Variants in ZFYVE26 observed in about 807,000 individuals in gnomAD.
ZFYVE26 encodes zinc finger FYVE-type containing 26, also known as zinc finger FYVE domain-containing protein 26.
ZFYVE26 carries 181 observed loss-of-function variants against 276.5 expected under a neutral mutation model. The ratio of observed to expected loss-of-function variants is 0.65; its 90% CI spans 0.58 to 0.74. The LOEUF (loss-of-function observed/expected upper bound fraction) is 0.74, where lower values mean the gene tolerates loss of function less well. Among genes scored for constraint, ZFYVE26 ranks in the 30% least tolerant of loss-of-function variants. The pLI, the probability that ZFYVE26 is intolerant of heterozygous loss-of-function variation, is 0.00. For missense variants in ZFYVE26, 2,821 were observed against 3,097.9 expected, an observed-to-expected ratio of 0.91 and a Z score of 2.12; for synonymous variants, 1,129 against 1,203.1, an observed-to-expected ratio of 0.94 and a Z score of 1.27.
chr14:67,775,952 A>C lies in ZFYVE26; in HGVS notation c.5129T>G (p.Ile1710Ser). The stretch of plus-strand genomic sequence containing the variant: ...GTCCACCTCGTCCATAGTGAAGCCA[A>C]TCTCCTGTCCAACCAGCAGCTGCTG... ...TLQQLLVGQE[I>S]GFTMDEVDSL... Residue 1710 changes from isoleucine to serine, a missense_variant, in exon 26 of 42, where the codon ATT (isoleucine) becomes AGT (serine). Coordinates refer to ENST00000347230, the MANE Select transcript of ZFYVE26 (RefSeq NM_015346.4). The C allele has an allele frequency of 6.2e-7, 1 of 1,614,204 alleles. No individual in the cohort carries two copies. Among genetic ancestry groups the C allele is most frequent in the Admixed American group, 1.7e-5 (1 of 60,020 alleles).
chr14:67,781,234 T>C (rs1376136360), intron 22 of ZFYVE26, 99 bp downstream of exon 22: 5 of 1,426,902 alleles, frequency 3.5e-6, no homozygotes, highest in African/African-American at 2.8e-5. Context: ...CCCAGACCTA[T>C]ATTTTCTCTT....
chr14:67,780,847 T>C (rs2039479080), intron 22 of ZFYVE26, among the ~76,000 whole-genome samples: 1 of 152,246 alleles, frequency 6.6e-6, no homozygotes, highest in Non-Finnish European at 1.5e-5. Context: ...GCATCTATTT[T>C]ATAGTTGTTA....
chr14:67,799,182 C>T, intron 10 of ZFYVE26: 2 of 1,592,218 alleles, frequency 1.3e-6, no homozygotes, highest in South Asian at 1.1e-5. Context: ...TTTGAAAAGA[C>T]ATACAAAGGT....
intron 14 of ZFYVE26, among the ~76,000 whole-genome samples, chr14:67,793,167 G>T (rs983764257): frequency 5.3e-5 from 8 of 152,114 alleles, no homozygotes; most frequent in Non-Finnish European, 8.8e-5. Flanking sequence ...TTAGGCAGGA[G>T]AATCGTTTGA....
rs760544248 is a variant in ZFYVE26 at position 67,798,211 on chromosome 14, G to A, written c.2051C>T (p.Ala684Val). ...GAGAAGCCTGAGGAAGGCCCCTATT[G>A]CAAATTCATCAGCCAGAAATCCACT... ...GISGFLADEF[A>V]IGAFLRLLQE... The change falls in exon 11 of 42, where the codon GCA (alanine) becomes GTA (valine). Residue 684 changes from alanine (A) to valine (V), a missense_variant. Physicochemically the swap from Ala to Val is moderately conservative, Grantham distance 64. Coordinates refer to ENST00000347230, the MANE Select transcript of ZFYVE26 (RefSeq NM_015346.4). The A allele has an allele frequency of 6.2e-7, 1 of 1,614,138 alleles. No individual in the cohort carries two copies. The highest frequency in any genetic ancestry group is 1.7e-5 in the Admixed American group (1 of 60,020).
chr14:67,777,772 C>A (rs1178473226), intron 24 of ZFYVE26, 37 bp from the exon 25 acceptor site: 16 of 1,611,254 alleles, frequency 9.9e-6, no homozygotes, highest in Non-Finnish European at 1.0e-5. Flanking sequence ...GTGTGGCCTG[C>A]AGAAGAGCTC....
At chr14:67,803,973 A>T in intron 9 of ZFYVE26, 128 bp downstream of exon 9, 1 of 1,249,820 alleles carries the variant, frequency 8.0e-7, no homozygotes. Context: ...GTGCTCATTT[A>T]GAGGAGACCT....
intron 13 of ZFYVE26, 59 bp downstream of exon 13, chr14:67,794,112 G>T: frequency 6.4e-7 from 1 of 1,553,308 alleles, no homozygotes; most frequent in South Asian, 1.1e-5. Context: ...CATGGTGTAT[G>T]GCAACTCTAT....
intron 13 of ZFYVE26, among the ~76,000 whole-genome samples, chr14:67,730,004 C>T (rs718213): frequency 0.043 from 6,562 of 152,168 alleles, 262 homozygotes; most frequent in East Asian, 0.14. Context: ...GTATTTATTC[C>T]GTGAAGCACT....
chr14:67,783,220 C>T lies in ZFYVE26; in HGVS notation c.3932G>A (p.Arg1311His), dbSNP rs367970314. The change falls in exon 21 of 42, where the codon CGC (arginine) becomes CAC (histidine). Residue 1311 changes from arginine to histidine, a missense_variant. Coordinates refer to ENST00000347230, the MANE Select transcript of ZFYVE26 (RefSeq NM_015346.4). ...TSSALAFLKS[R>H]SKLLATVACL... ...GGCCACCGTAGCTAGGAGCTTTGAG[C>T]GTGACTTAAGAAAGGCCAAGGCAGA... The T allele has an allele frequency of 4.3e-5, 69 of 1,613,440 alleles. No individual in the cohort carries two copies. Among genetic ancestry groups the T allele is most frequent in the Admixed American group, 6.7e-5 (4 of 59,968 alleles).
chr14:67,799,081 C>T (rs189762100), intron 10 of ZFYVE26: 11 of 1,198,714 alleles, frequency 9.2e-6, no homozygotes, highest in Non-Finnish European at 1.4e-5. Context: ...GAACAGTGGA[C>T]GAGGACTCTC....
At chr14:67,816,267 G>T (rs922819779) in intron 1 of ZFYVE26, among the ~76,000 whole-genome samples, 26 of 152,100 alleles carry the variant, frequency 1.7e-4, no homozygotes, top group African/African-American at 5.3e-4. Flanking sequence ...TATTTGCTCC[G>T]GGCGCAGACC....
intron 21 of ZFYVE26, among the ~76,000 whole-genome samples, chr14:67,782,489 C>T (rs987261016): frequency 5.9e-5 from 9 of 152,014 alleles, no homozygotes; most frequent in Admixed American, 3.9e-4. Context: ...GGGAAGGGAC[C>T]CAAACATTTG....
intron 13 of ZFYVE26, among the ~76,000 whole-genome samples, chr14:67,732,458 T>G (rs1435706824): frequency 7.2e-6 from 1 of 137,972 alleles, no homozygotes; most frequent in Non-Finnish European, 1.5e-5. Flanking sequence ...CTCCTCAAAC[T>G]AGATACAGTA....
chr14:67,808,823 C>T lies in ZFYVE26; in HGVS notation c.363+377G>A, dbSNP rs77707452. ...AAGTAGTAACTGATACATGCTATAACGATATAATTAAGACTTAATTTGAAT... is the reference window on the plus strand; with the variant it reads ...AAGTAGTAACTGATACATGCTATAATGATATAATTAAGACTTAATTTGAAT... On this transcript the variant is annotated intron_variant, in intron 4 of 41. Coordinates refer to ENST00000347230, the MANE Select transcript of ZFYVE26 (RefSeq NM_015346.4). Among the ~76,000 whole-genome samples, 539 of 152,072 alleles carry T rather than the reference C, an allele frequency of 3.5e-3. 3 individuals are homozygous for T. The highest frequency in any genetic ancestry group is 6.3e-3 in the Admixed American group (96 of 15,276).
Position 67,752,401 on chromosome 14 carries a change from A to T in ZFYVE26, c.7314T>A (p.Ser2438Arg). The T allele has an allele frequency of 6.2e-7, 1 of 1,613,138 alleles. No homozygotes were observed. Among genetic ancestry groups the T allele is most frequent in the South Asian group, 1.1e-5 (1 of 90,674 alleles). Residue 2438 changes from serine to arginine, a missense_variant, in exon 40 of 42, where the codon AGT (serine) becomes AGA (arginine). Physicochemically the swap from Ser to Arg is moderately radical, Grantham distance 110. Coordinates refer to ENST00000347230, the MANE Select transcript of ZFYVE26 (RefSeq NM_015346.4). ...AGTTGAGGAGGATGGTGTCCCCGTCACTTTTGGCTGCCATGCCTGACTCAC... is the reference window on the plus strand; with the variant it reads ...AGTTGAGGAGGATGGTGTCCCCGTCTCTTTTGGCTGCCATGCCTGACTCAC... ...CVSESGMAAK[S>R]DGDTILLNCL...
chr14:67,800,412 A>T (rs7149356), intron 10 of ZFYVE26, among the ~76,000 whole-genome samples: 5,063 of 152,276 alleles, frequency 0.033, 188 homozygotes, highest in African/African-American at 0.087. Flanking sequence ...TATAAAAGAG[A>T]TATTACATCA....
chr14:67,777,475 C>G, intron 25 of ZFYVE26, 84 bp downstream of exon 25: 9 of 1,605,752 alleles, frequency 5.6e-6, no homozygotes, highest in Non-Finnish European at 7.7e-6. Context: ...CAGTCTCTCC[C>G]TCAGGTATGC....
chr14:67,785,936 A>G lies in ZFYVE26; in HGVS notation c.3226T>C (p.Cys1076Arg). The G allele has an allele frequency of 6.2e-7, 1 of 1,614,224 alleles. No individual in the cohort carries two copies. The highest frequency in any genetic ancestry group is 8.5e-7 in the Non-Finnish European group (1 of 1,180,042). ...GAGAGGGTGGTGTGGCTGGCAACAC[A>G]GTCCTCGCTTAGGCTGGGCCAGCAC... is the stretch of plus-strand genomic sequence containing the variant. ...QMCWPSLSED[C>R]VASHTTLSQQ... Residue 1076 changes from cysteine to arginine, a missense_variant, in exon 18 of 42, where the codon TGT becomes CGT. Coordinates refer to ENST00000347230, the MANE Select transcript of ZFYVE26 (RefSeq NM_015346.4).
Sources: gnomAD v4.1 joint callset for allele counts (sites outside exome capture counted in the v4.1 genomes callset) on GRCh38, gnomAD v4.1.1 for gene constraint, MANE v1.5 for transcripts, NCBI Gene and HGNC (gene_info 2026-07-23, HGNC 2026-07-21) for gene names.